GNA14: variants seen among roughly 807,000 people sequenced by gnomAD.
The protein encoded by GNA14 is G protein subunit alpha 14.
A neutral mutation model predicts 42.0 loss-of-function variants in GNA14; 50 were observed. The observed-to-expected ratio is 1.19, with a 90% CI of 0.95 to 1.51. The LOEUF is 1.51. Ranked by LOEUF, GNA14 falls within the 40% of genes most tolerant of loss-of-function variation. The pLI, the probability that GNA14 is intolerant of heterozygous loss-of-function variation, is 0.00. For synonymous variants in GNA14, 173 were observed against 163.1 expected (o/e 1.06, Z -0.46); for missense variants, 473 against 446.2 (o/e 1.06, Z -0.54).
At chr9:77,522,449 G>T (rs576942167) in intron 2 of GNA14, among the ~76,000 whole-genome samples, 1 of 152,134 alleles carries the variant, frequency 6.6e-6, no homozygotes, top group African/African-American at 2.4e-5. Flanking sequence ...AGCCCAGTTC[G>T]GCTGAACACA....
chr9:77,583,136 T>TTTTA (rs2117863703), intron 1 of GNA14, among the ~76,000 whole-genome samples: 1 of 152,330 alleles, frequency 6.6e-6, no homozygotes, highest in Non-Finnish European at 1.5e-5. Flanking sequence ...AACTTCACCC[T>TTTTA]ATCTCTAATT....
intron 1 of GNA14, among the ~76,000 whole-genome samples, chr9:77,598,806 G>A (rs1354603930): frequency 6.6e-6 from 1 of 152,154 alleles, no homozygotes; most frequent in Non-Finnish European, 1.5e-5. Context: ...CCAATCAGCT[G>A]CTTTAAAGAG....
At chr9:77,497,401 A>C (rs1249146625) in intron 2 of GNA14, among the ~76,000 whole-genome samples, 1 of 152,122 alleles carries the variant, frequency 6.6e-6, no homozygotes, top group African/African-American at 2.4e-5. Context: ...TCTAGATCCT[A>C]GCAATGTGAC....
At chr9:77,494,087 A>T (rs1587798285) in intron 2 of GNA14, among the ~76,000 whole-genome samples, 1 of 151,772 alleles carries the variant, frequency 6.6e-6, no homozygotes, top group Admixed American at 6.6e-5. Flanking sequence ...TGCCCGGCTA[A>T]TTTTTTTTAA....
At position 77,544,671 on chromosome 9, in the gene GNA14, C is replaced by CAAAAA. The variant is rs397959672; in HGVS notation, c.125-15423_125-15419dup. On this transcript the variant is annotated intron_variant, in intron 1 of 6. Coordinates refer to ENST00000341700, the MANE Select transcript of GNA14 (RefSeq NM_004297.4). ...GAGCCAAGATCACGTCACTGCATCT[C>CAAAAA]AAAAAAAAAAAAAAAAAAAAGAAGG... Among the ~76,000 whole-genome samples the CAAAAA allele has an allele frequency of 5.1e-5, 3 of 58,566 alleles. 1 individual carries two copies. Among genetic ancestry groups the CAAAAA allele is most frequent in the Admixed American group, 2.0e-4 (1 of 5,006 alleles). The allele number at this position is 58,566 out of a possible 152,430, so 38.4% of individuals were successfully genotyped here.
intron 1 of GNA14, among the ~76,000 whole-genome samples, chr9:77,632,998 A>T (rs1824123035): frequency 6.6e-6 from 1 of 152,178 alleles, no homozygotes; most frequent in Admixed American, 6.5e-5. Flanking sequence ...AATACCCCAA[A>T]GATCCTGTAA....
intron 1 of GNA14, among the ~76,000 whole-genome samples, chr9:77,529,720 T>C (rs1837500616): frequency 6.6e-6 from 1 of 152,184 alleles, no homozygotes; most frequent in Admixed American, 6.5e-5. Context: ...AGGTGCCAAA[T>C]GTCTATGTGC....
Position 77,558,291 on chromosome 9 carries a change from T to C in GNA14, c.125-29038A>G, listed in dbSNP as rs561713773. Among the ~76,000 whole-genome samples, 173 of 152,088 alleles carry C rather than the reference T, an allele frequency of 1.1e-3. 1 individual carries two copies. The highest frequency in any genetic ancestry group is 1.7e-3 in the Non-Finnish European group (113 of 67,998). The stretch of plus-strand genomic sequence containing the variant: ...AAACAGAACAGATAGATCAGATAGA[T>C]AGATAGACAGACAGACAGACAAATA... On this transcript the variant is annotated intron_variant, in intron 1 of 6. Transcript: ENST00000341700.
chr9:77,534,161 CCTGT>C (rs1375980277), intron 1 of GNA14, among the ~76,000 whole-genome samples: 5 of 152,312 alleles, frequency 3.3e-5, no homozygotes, highest in Admixed American at 6.5e-5. Flanking sequence ...ATAAAAACAT[CCTGT>C]CTATCACCAG....
chr9:77,645,605 CT>C (rs1412752127), intron 1 of GNA14, among the ~76,000 whole-genome samples: 1 of 152,144 alleles, frequency 6.6e-6, no homozygotes, highest in Non-Finnish European at 1.5e-5. Context: ...GAGCAATGGC[CT>C]GGGAAGATAA....
chr9:77,618,594 ATATATATATATATATATATATATATAT>A (rs1823860712), intron 1 of GNA14, among the ~76,000 whole-genome samples: 1 of 12,336 alleles, frequency 8.1e-5, no homozygotes, highest in Non-Finnish European at 2.0e-4. Flanking sequence ...ATATATATAT[ATATATATATATATATATATATATATAT>A]TTTTTTTTTT....
Position 77,529,236 on chromosome 9 carries a change from T to C in GNA14, c.142A>G (p.Lys48Glu), listed in dbSNP as rs1300241521. ...LLLLGTGESGKSTFIKQMRII... is the reference protein window; with the variant it reads ...LLLLGTGESGESTFIKQMRII... ...CTCATCTGCTTGATAAAGGTGCTTT[T>C]CCCACTTTCACCAGTTCCTATAAGA... The change falls in exon 2 of 7, where the codon AAA becomes GAA. Residue 48 changes from lysine to glutamate, a missense_variant. By Grantham distance (56) the Lys-to-Glu change is moderately conservative. Coordinates refer to ENST00000341700, the MANE Select transcript of GNA14 (RefSeq NM_004297.4). 5.6e-6 allele frequency: 9 copies of C among 1,613,826 alleles called. No individual in the cohort carries two copies. The East Asian group carries it at 1.8e-4, about 32-fold the overall frequency.
Position 77,520,657 on chromosome 9 carries a change from C to T in GNA14, c.309+8412G>A, listed in dbSNP as rs375027046. Among the ~76,000 whole-genome samples the T allele has an allele frequency of 1.7e-4, 26 of 152,246 alleles. No homozygotes were observed. In the South Asian group the frequency reaches 5.0e-3, roughly 29 times the overall value. ...CTTGGCTTACTGCAACCTCCGCCTC[C>T]GGGGTTCAAGAGATTCTCCTGCCTC... On this transcript the variant is annotated intron_variant, in intron 2 of 6. Coordinates refer to ENST00000341700, the MANE Select transcript of GNA14 (RefSeq NM_004297.4).
intron 2 of GNA14, among the ~76,000 whole-genome samples, chr9:77,519,230 G>A (rs1438591834): frequency 6.6e-6 from 1 of 152,124 alleles, no homozygotes; most frequent in Non-Finnish European, 1.5e-5. Context: ...GGCCAACATG[G>A]TGAAACCTCA....
At chr9:77,521,262 G>A (rs901255512) in intron 2 of GNA14, among the ~76,000 whole-genome samples, 59 of 152,130 alleles carry the variant, frequency 3.9e-4, no homozygotes, top group African/African-American at 1.4e-3. Context: ...AGCAGGGCCT[G>A]AGTTTAACAT....
chr9:77,465,208 A>C (rs1296597087), intron 2 of GNA14, among the ~76,000 whole-genome samples: 1 of 152,218 alleles, frequency 6.6e-6, no homozygotes, highest in Non-Finnish European at 1.5e-5. Context: ...GCAGCCAATA[A>C]GACAACCTCT....
At chr9:77,636,566 T>C (rs1470657342) in intron 1 of GNA14, among the ~76,000 whole-genome samples, 1 of 152,152 alleles carries the variant, frequency 6.6e-6, no homozygotes, top group African/African-American at 2.4e-5. Flanking sequence ...CATCTGCATC[T>C]GATGAGGGCC....
intron 1 of GNA14, among the ~76,000 whole-genome samples, chr9:77,595,904 T>A (rs1294641663): frequency 2.0e-5 from 3 of 151,922 alleles, no homozygotes; most frequent in Non-Finnish European, 2.9e-5. Context: ...AAAAACAAGA[T>A]ATGAGTCCTT....
At chr9:77,611,873 T>C (rs958151215) in intron 1 of GNA14, among the ~76,000 whole-genome samples, 3 of 152,046 alleles carry the variant, frequency 2.0e-5, no homozygotes, top group Admixed American at 6.6e-5. Context: ...TGACTTACCA[T>C]TGTGGACACA....
Sources: gnomAD v4.1 joint callset for allele counts (sites outside exome capture counted in the v4.1 genomes callset) on GRCh38, gnomAD v4.1.1 for gene constraint, MANE v1.5 for transcripts, NCBI Gene and HGNC (gene_info 2026-07-23, HGNC 2026-07-21) for gene names.